The following PCDHGA7 variants were observed in gnomAD, a reference collection of about 807,000 sequenced individuals.
PCDHGA7 encodes protocadherin gamma-A7.
PCDHGA7 carries 44 observed loss-of-function variants against 58.3 expected under a neutral mutation model. That is an observed-to-expected ratio of 0.75 (90% CI 0.59 to 0.97). The LOEUF (loss-of-function observed/expected upper bound fraction) is 0.97, where lower values mean the gene tolerates loss of function less well. PCDHGA7 is among the 50% of genes least tolerant of loss of function. PCDHGA7 has a pLI of 0.00. For synonymous variants in PCDHGA7, 516 were observed against 504.2 expected (o/e 1.02, Z -0.31); for missense variants, 1,266 against 1,188.7 (o/e 1.06, Z -0.96).
At position 141,511,482 on chromosome 5, in the gene PCDHGA7, C is replaced by A. The variant is rs761434245; in HGVS notation, c.*309C>A. ...CACACCCCGTTTAGTTACAGCTGAA[C>A]TCCTCCATCTTCCAAATCAATCAGG... On this transcript the variant is annotated 3_prime_UTR_variant, in exon 4 of 4. Coordinates refer to ENST00000518325, the MANE Select transcript of PCDHGA7 (RefSeq NM_018920.4). The A allele has an allele frequency of 2.4e-4, 113 of 464,462 alleles. No homozygotes were observed. Among genetic ancestry groups the A allele is most frequent in the Non-Finnish European group, 4.0e-4 (105 of 260,154 alleles). The allele number at this position is 464,462 out of a possible 1,614,324, so 28.8% of individuals were successfully genotyped here. A position where few individuals can be genotyped will look rare whatever the true frequency, so the allele number is the denominator to read the frequency against.
chr5:141,399,010 G>A (rs1400790755), intron 1 of PCDHGA7: 5 of 1,613,726 alleles, frequency 3.1e-6, no homozygotes, highest in African/African-American at 1.3e-5. Flanking sequence ...TTCAAAGAGC[G>A]GAGAAATTAC....
Position 141,431,877 on chromosome 5 carries a change from AC to A in PCDHGA7, c.2424+46556del. 1 of 1,614,230 alleles carries A rather than the reference AC, an allele frequency of 6.2e-7. No individual in the cohort carries two copies. The highest frequency in any genetic ancestry group is 1.3e-5 in the African/African-American group (1 of 75,070). ...TTAATTGCCCTTTTAAATGTAAATGACCAAGATTCTGAGGAAAACGGACAGG... is the reference window on the plus strand; with the variant it reads ...TTAATTGCCCTTTTAAATGTAAATGACAAGATTCTGAGGAAAACGGACAGG... On this transcript the variant is annotated intron_variant, in intron 1 of 3. Coordinates refer to ENST00000518325, the MANE Select transcript of PCDHGA7 (RefSeq NM_018920.4). The surrounding 1 kb of genome is among the most constrained non-coding windows in gnomAD (Gnocchi z 4.8).
chr5:141,468,950 T>TG (rs752125489), intron 1 of PCDHGA7, among the ~76,000 whole-genome samples: 34 of 140,680 alleles, frequency 2.4e-4, no homozygotes, highest in African/African-American at 4.9e-4. Context: ...GGTAAACCTG[T>TG]GGTTTTTTTT....
intron 1 of PCDHGA7, chr5:141,419,639 G>A (rs1478835703): frequency 6.2e-7 from 1 of 1,612,442 alleles, no homozygotes; most frequent in African/African-American, 1.3e-5. Flanking sequence ...GGTGGTGGCC[G>A]TGGACGCGGA....
Position 141,417,943 on chromosome 5 carries a change from G to C in PCDHGA7, c.2424+32620G>C, listed in dbSNP as rs772925118. ...TGCTGCTGCCTTTGTTCTACCCCAC[G>C]CTGTGTGAGCCGATCCGCTACTCGA... is the stretch of plus-strand genomic sequence containing the variant. On this transcript the variant is annotated intron_variant, in intron 1 of 3. Coordinates refer to ENST00000518325, the MANE Select transcript of PCDHGA7 (RefSeq NM_018920.4). The C allele has an allele frequency of 4.1e-5, 66 of 1,613,160 alleles. 1 individual carries two copies. The highest frequency in any genetic ancestry group is 1.8e-4 in the East Asian group (8 of 44,850).
intron 1 of PCDHGA7, chr5:141,418,560 A>G (rs752240769): frequency 1.2e-6 from 2 of 1,614,034 alleles, no homozygotes; most frequent in Non-Finnish European, 1.7e-6. Context: ...CTGGTAATAG[A>G]TGCCAATGAC....
At chr5:141,495,710 G>C (rs2099763133) in intron 2 of PCDHGA7, among the ~76,000 whole-genome samples, 1 of 152,148 alleles carries the variant, frequency 6.6e-6, no homozygotes, top group Non-Finnish European at 1.5e-5. Flanking sequence ...TGTGGAGTGA[G>C]TAACTACACG....
chr5:141,442,014 G>T, intron 1 of PCDHGA7: 1 of 220,044 alleles, frequency 4.5e-6, no homozygotes, highest in Non-Finnish European at 9.2e-6. Flanking sequence ...TCGCACGATG[G>T]GCCACAGGAA....
Position 141,477,763 on chromosome 5 carries a change from C to G in PCDHGA7, c.2425-17044C>G, listed in dbSNP as rs763322593. The G allele has an allele frequency of 6.2e-7, 1 of 1,614,012 alleles. No homozygotes were observed. Among genetic ancestry groups the G allele is most frequent in the Non-Finnish European group, 8.5e-7 (1 of 1,180,032 alleles). Reference sequence around the variant, plus strand: ...ATGGGGGCACCCCGGTCCTAGCCACCAACATCAGCGTGAACATATTTGTCA... The same window carrying G: ...ATGGGGGCACCCCGGTCCTAGCCACGAACATCAGCGTGAACATATTTGTCA... On this transcript the variant is annotated intron_variant, in intron 1 of 3. Transcript: ENST00000518325. This position sits in a 1 kb window ranked among gnomAD's most constrained non-coding sequence, Gnocchi z 4.9.
chr5:141,388,723 C>T, intron 1 of PCDHGA7: 1 of 1,614,018 alleles, frequency 6.2e-7, no homozygotes, highest in Non-Finnish European at 8.5e-7. Flanking sequence ...ATTACTTTCT[C>T]TTTCAGTGAA....
chr5:141,431,111 G>A lies in PCDHGA7; in HGVS notation c.2424+45788G>A, dbSNP rs2097343539. The A allele has an allele frequency of 1.9e-6, 3 of 1,614,110 alleles. No individual in the cohort carries two copies. Among genetic ancestry groups the A allele is most frequent in the Non-Finnish European group, 2.5e-6 (3 of 1,180,034 alleles). On this transcript the variant is annotated intron_variant, in intron 1 of 3. Coordinates refer to ENST00000518325, the MANE Select transcript of PCDHGA7 (RefSeq NM_018920.4). This position sits in a 1 kb window ranked among gnomAD's most constrained non-coding sequence, Gnocchi z 4.8. ...GATGGAGGATAAAGTGAAAATATAT[G>A]GAGTAGAAGTAGAAGTAAGGGACAT...
At chr5:141,405,560 G>A in intron 1 of PCDHGA7, 1 of 613,636 alleles carries the variant, frequency 1.6e-6, no homozygotes, top group Non-Finnish European at 2.9e-6. Context: ...GAGTAGCTGG[G>A]ACTAGAGTAG....
chr5:141,419,730 G>A (rs747960969), intron 1 of PCDHGA7: 9 of 1,613,746 alleles, frequency 5.6e-6, no homozygotes, highest in Non-Finnish European at 7.6e-6. Context: ...CTGCGAACAG[G>A]CGAGGTGCGC....
chr5:141,460,791 C>A (rs2098997892), intron 1 of PCDHGA7, among the ~76,000 whole-genome samples: 1 of 151,666 alleles, frequency 6.6e-6, no homozygotes, highest in Non-Finnish European at 1.5e-5. Context: ...TATATACACA[C>A]AAAGTATATA....
At position 141,413,764 on chromosome 5, in the gene PCDHGA7, G is replaced by A. The variant is rs749419039; in HGVS notation, c.2424+28441G>A. 28 of 1,612,716 alleles carry A rather than the reference G, an allele frequency of 1.7e-5. No individual in the cohort carries two copies. Among genetic ancestry groups the A allele is most frequent in the Non-Finnish European group, 2.2e-5 (26 of 1,179,878 alleles). On this transcript the variant is annotated intron_variant, in intron 1 of 3. Coordinates refer to ENST00000518325, the MANE Select transcript of PCDHGA7 (RefSeq NM_018920.4). ...CCGTGCCAATGGCGTCAAGTACCCG[G>A]AGCTGGTACTGGAGCACTCCCTAGA... is the stretch of plus-strand genomic sequence containing the variant.
Position 141,490,148 on chromosome 5 carries a change from A to T in PCDHGA7, c.2425-4659A>T. On this transcript the variant is annotated intron_variant, in intron 1 of 3. Transcript: ENST00000518325. This position sits in a 1 kb window ranked among gnomAD's most constrained non-coding sequence, Gnocchi z 5.4. The stretch of plus-strand genomic sequence containing the variant: ...CTAGACCCTAGCAGTGGGGCAATCC[A>T]TGTGTTGGGTCCCATAGACTTTGAG... The T allele has an allele frequency of 6.2e-7, 1 of 1,614,232 alleles. No homozygotes were observed. The highest frequency in any genetic ancestry group is 1.3e-5 in the African/African-American group (1 of 75,068).
chr5:141,409,599 C>T (rs753753955), intron 1 of PCDHGA7: 22 of 1,613,822 alleles, frequency 1.4e-5, no homozygotes, highest in Non-Finnish European at 1.8e-5. Flanking sequence ...GAGAACAACC[C>T]GCCAGGAGCC....
At chr5:141,428,293 C>G (rs1278634119) in intron 1 of PCDHGA7, 1 of 716,436 alleles carries the variant, frequency 1.4e-6, no homozygotes, top group South Asian at 1.6e-5. Flanking sequence ...AGCAAAGCTG[C>G]AGATTTACCT....
At position 141,477,924 on chromosome 5, in the gene PCDHGA7, A is replaced by G; in HGVS notation, c.2425-16883A>G. 1 of 1,614,140 alleles carries G rather than the reference A, an allele frequency of 6.2e-7. No homozygotes were observed. On this transcript the variant is annotated intron_variant, in intron 1 of 3. Transcript: ENST00000518325. The surrounding 1 kb of genome is among the most constrained non-coding windows in gnomAD (Gnocchi z 4.9). ...GGCTGGGACGCGGATGCAGGGCACA[A>G]TGCCTGGCTCTCCTACAGTCTCTTG...
Sources: gnomAD v4.1 joint callset for allele counts (sites outside exome capture counted in the v4.1 genomes callset) on GRCh38, gnomAD v4.1.1 for gene constraint, Gnocchi (gnomAD v3.1) non-coding constraint, MANE v1.5 for transcripts, NCBI Gene and HGNC (gene_info 2026-07-23, HGNC 2026-07-21) for gene names.